Variants in C8orf88 observed in about 807,000 individuals in gnomAD.
C8orf88 encodes the protein chromosome 8 open reading frame 88.
In C8orf88, 14 loss-of-function variants were observed where a neutral mutation model predicts 18.4. That is an observed-to-expected ratio of 0.76 (90% CI 0.50 to 1.19). The LOEUF is 1.19. Among genes scored for constraint, C8orf88 ranks in the 50% most tolerant of loss-of-function variants. The pLI is 0.00. For synonymous variants in C8orf88, 45 were observed against 42.9 expected (o/e 1.05, Z -0.19); for missense variants, 116 against 134.7 (o/e 0.86, Z 0.69).
intron 1 of C8orf88, 52 bp from the exon 2 acceptor site, chr8:90,980,513 C>T (rs534883787): frequency 1.3e-5 from 10 of 756,108 alleles, no homozygotes; most frequent in South Asian, 9.4e-5. Flanking sequence ...AATCAAGATG[C>T]TTTACATGTA....
intron 3 of C8orf88, among the ~76,000 whole-genome samples, chr8:90,976,233 C>T (rs927915396): frequency 6.6e-6 from 1 of 151,910 alleles, no homozygotes; most frequent in African/African-American, 2.4e-5. Flanking sequence ...ATAAATATTT[C>T]TCAAAAGTCA....
chr8:90,959,044 G>T lies in C8orf88; in HGVS notation c.331-14C>A. 8.0e-7 allele frequency: 1 copy of T among 1,244,726 alleles called. No individual in the cohort carries two copies. The highest frequency in any genetic ancestry group is 2.6e-5 in the East Asian group (1 of 37,930). 77.1% of individuals were successfully genotyped at this position (1,244,726 alleles called of 1,614,324 possible). ...TTGGTTGTTTTCCTGTAATATAAAA[G>T]AAAAAGTTAATTTATCAATTGATTG... On this transcript the variant is annotated splice_polypyrimidine_tract_variant and intron_variant, in intron 5 of 5. Coordinates refer to ENST00000517562, the MANE Select transcript of C8orf88 (RefSeq NM_001190972.2).
chr8:90,974,878 TA>T (rs1368033784), intron 3 of C8orf88, among the ~76,000 whole-genome samples: 9 of 152,094 alleles, frequency 5.9e-5, no homozygotes, highest in African/African-American at 1.9e-4. Flanking sequence ...GGGTGGTCTC[TA>T]CAAAAAAAGT....
At chr8:90,975,466 G>C (rs1469734653) in intron 3 of C8orf88, among the ~76,000 whole-genome samples, 2 of 151,868 alleles carry the variant, frequency 1.3e-5, no homozygotes, top group Non-Finnish European at 2.9e-5. Flanking sequence ...GATATGAACA[G>C]ACACGCCATC....
chr8:90,959,735 A>T (rs1811098450), intron 5 of C8orf88, among the ~76,000 whole-genome samples: 2 of 151,414 alleles, frequency 1.3e-5, no homozygotes, highest in Admixed American at 1.3e-4. Flanking sequence ...AAATGGAGAT[A>T]GAAGGTAGTA....
At chr8:90,979,277 C>T (rs1288897701) in intron 2 of C8orf88, among the ~76,000 whole-genome samples, 2 of 152,156 alleles carry the variant, frequency 1.3e-5, no homozygotes, top group African/African-American at 2.4e-5. Flanking sequence ...AAAATTGGAT[C>T]TGCAGAGATG....
At chr8:90,969,266 A>G (rs1811250568) in intron 4 of C8orf88, among the ~76,000 whole-genome samples, 1 of 151,894 alleles carries the variant, frequency 6.6e-6, no homozygotes, top group South Asian at 2.1e-4. Context: ...TAATCCACAC[A>G]ATGGAATATT....
rs764189133 is a variant in C8orf88 at position 90,971,152 on chromosome 8, T to C, written c.148-11A>G. 5.3e-5 allele frequency: 76 copies of C among 1,442,276 alleles called. No individual in the cohort carries two copies. The East Asian group carries it at 1.8e-3, about 35-fold the overall frequency. The allele number at this position is 1,442,276 out of a possible 1,614,324, so 89.3% of individuals were successfully genotyped here. A position where few individuals can be genotyped will look rare whatever the true frequency, so the allele number is the denominator to read the frequency against. On this transcript the variant is annotated splice_polypyrimidine_tract_variant and intron_variant, in intron 3 of 5. Coordinates refer to ENST00000517562, the MANE Select transcript of C8orf88 (RefSeq NM_001190972.2). ...TCCATTCGTCTTACACTGTTAAACA[T>C]GAAGAAAATAAACTTTTTAACTCAG...
chr8:90,974,808 TTG>T lies in C8orf88; in HGVS notation c.148-3669_148-3668del, dbSNP rs569726794. On this transcript the variant is annotated intron_variant, in intron 3 of 5. Coordinates refer to ENST00000517562, the MANE Select transcript of C8orf88 (RefSeq NM_001190972.2). The stretch of plus-strand genomic sequence containing the variant: ...GAAAGAAAAAAAACATTAGTAATGA[TTG>T]TGTGTTTACAGTCCAAACAAAAGTA... 6.2e-4 allele frequency among the ~76,000 whole-genome samples: 94 copies of T among 152,218 alleles called. 2 individuals are homozygous for T. The East Asian group carries it at 0.016, about 27-fold the overall frequency.
chr8:90,958,553 T>C lies in C8orf88; in HGVS notation c.*454A>G, dbSNP rs1811074832. 1 of 158,828 alleles carries C rather than the reference T, an allele frequency of 6.3e-6. No homozygotes were observed. Among genetic ancestry groups the C allele is most frequent in the South Asian group, 1.8e-4 (1 of 5,422 alleles). The allele number at this position is 158,828 out of a possible 1,614,324, so 9.8% of individuals were successfully genotyped here. A position where few individuals can be genotyped will look rare whatever the true frequency, so the allele number is the denominator to read the frequency against. On this transcript the variant is annotated 3_prime_UTR_variant, in exon 6 of 6. Transcript: ENST00000517562. Reference sequence around the variant, plus strand: ...TAAGCCTCTGGAGAGACTGTAATGATCCATTCATGAGCTGGTATGAAATCA... The same window carrying C: ...TAAGCCTCTGGAGAGACTGTAATGACCCATTCATGAGCTGGTATGAAATCA...
At chr8:90,972,856 C>G (rs781731422) in intron 3 of C8orf88, among the ~76,000 whole-genome samples, 2 of 152,132 alleles carry the variant, frequency 1.3e-5, no homozygotes, top group Non-Finnish European at 2.9e-5. Flanking sequence ...TGTATATTTT[C>G]TAGCAGAGAG....
At chr8:90,971,037 T>C (rs1341447318) in intron 4 of C8orf88, 29 bp downstream of exon 4, 3 of 1,360,788 alleles carry the variant, frequency 2.2e-6, no homozygotes, top group Non-Finnish European at 1.0e-6. Context: ...CATTCAATGA[T>C]AAAATTGGGA....
intron 3 of C8orf88, among the ~76,000 whole-genome samples, chr8:90,972,574 T>A (rs532515094): frequency 2.8e-4 from 42 of 152,230 alleles, no homozygotes; most frequent in African/African-American, 8.7e-4. Flanking sequence ...ATACTGATTA[T>A]TTCAAATAAT....
chr8:90,960,669 G>T, intron 5 of C8orf88, 73 bp downstream of exon 5: 2 of 778,256 alleles, frequency 2.6e-6, no homozygotes, highest in East Asian at 2.8e-5. Context: ...TCTAGAGGTA[G>T]AGTCTGATGA....
At chr8:90,969,229 T>C (rs1003434758) in intron 4 of C8orf88, among the ~76,000 whole-genome samples, 7 of 151,682 alleles carry the variant, frequency 4.6e-5, no homozygotes, top group South Asian at 2.1e-4. Flanking sequence ...TGTGTGTCAG[T>C]TGAGAAATGG....
chr8:90,978,736 AT>A, intron 2 of C8orf88, 84 bp from the exon 3 acceptor site: 2 of 732,512 alleles, frequency 2.7e-6, no homozygotes, highest in Non-Finnish European at 4.3e-6. Context: ...AGTATCCAAG[AT>A]ATTCTTGGCA....
At position 90,980,499 on chromosome 8, in the gene C8orf88, A is replaced by C. The variant is rs180955300; in HGVS notation, c.-26-38T>G. Reference sequence around the variant, plus strand: ...AAAATACATTTTTATCTTTTGGACAAAATAATCAAGATGCTTTACATGTAT... The same window carrying C: ...AAAATACATTTTTATCTTTTGGACACAATAATCAAGATGCTTTACATGTAT... On this transcript the variant is annotated intron_variant, in intron 1 of 5. Transcript: ENST00000517562. 3.7e-5 allele frequency: 35 copies of C among 933,668 alleles called. No homozygotes were observed. The African/African-American group carries it at 5.4e-4, about 14-fold the overall frequency. The allele number at this position is 933,668 out of a possible 1,614,324, so 57.8% of individuals were successfully genotyped here.
At chr8:90,970,181 T>G (rs751242206) in intron 4 of C8orf88, among the ~76,000 whole-genome samples, 23 of 151,958 alleles carry the variant, frequency 1.5e-4, no homozygotes, top group Non-Finnish European at 2.6e-4. Flanking sequence ...TGAGTAACAC[T>G]TTAATTGAAA....
chr8:90,961,388 T>G (rs1811124875), intron 4 of C8orf88, among the ~76,000 whole-genome samples: 1 of 151,204 alleles, frequency 6.6e-6, no homozygotes, highest in Non-Finnish European at 1.5e-5. Flanking sequence ...AAATCAGAAA[T>G]GATTACCAGA....
Sources: gnomAD v4.1 joint callset for allele counts (sites outside exome capture counted in the v4.1 genomes callset) on GRCh38, gnomAD v4.1.1 for gene constraint, MANE v1.5 for transcripts, NCBI Gene and HGNC (gene_info 2026-07-23, HGNC 2026-07-21) for gene names.